The following IL34 variants were observed in gnomAD, a reference collection of about 807,000 sequenced individuals.
IL34 encodes the protein interleukin-34.
Under a neutral mutation model 25.3 loss-of-function variants are expected in IL34, and 17 were observed. That is an observed-to-expected ratio of 0.67 (90% CI 0.46 to 1.01). IL34 has a LOEUF of 1.01. Ranked by LOEUF, IL34 falls within the 50% of genes least tolerant of loss-of-function variation. The pLI is 0.00. For synonymous variants in IL34, 174 were observed against 140.9 expected (o/e 1.23, Z -1.66); for missense variants, 368 against 312.9 (o/e 1.18, Z -1.33).
chr16:70,639,967 A>T (rs943843187), intron 1 of IL34, among the ~76,000 whole-genome samples: 6 of 152,006 alleles, frequency 3.9e-5, no homozygotes, highest in Non-Finnish European at 8.8e-5. Flanking sequence ...CCGAAAAAAA[A>T]AGACAGAGGA....
intron 1 of IL34, among the ~76,000 whole-genome samples, chr16:70,624,126 C>T (rs1055647312): frequency 5.3e-5 from 8 of 151,986 alleles, no homozygotes; most frequent in Non-Finnish European, 1.5e-5. Context: ...GGAGTGGCTG[C>T]CAGGTGAGTT....
At chr16:70,634,040 G>A (rs535638243) in intron 1 of IL34, among the ~76,000 whole-genome samples, 2 of 151,928 alleles carry the variant, frequency 1.3e-5, no homozygotes, top group Non-Finnish European at 2.9e-5. Flanking sequence ...TAGTAGAGAC[G>A]GGGTTTCACC....
intron 1 of IL34, among the ~76,000 whole-genome samples, chr16:70,600,471 G>A (rs2151817066): frequency 6.6e-6 from 1 of 152,318 alleles, no homozygotes; most frequent in African/African-American, 2.4e-5. Flanking sequence ...ACAGAACACA[G>A]CGCTGCACAT....
At chr16:70,644,451 C>A (rs1184371785), upstream of IL34, among the ~76,000 whole-genome samples, 1 of 151,796 alleles carries the variant, frequency 6.6e-6, no homozygotes, top group East Asian at 1.9e-4. Context: ...TAGACAACTT[C>A]CACTATAAAG....
intron 1 of IL34, among the ~76,000 whole-genome samples, chr16:70,620,550 T>C (rs971284893): frequency 6.6e-6 from 1 of 151,558 alleles, no homozygotes; most frequent in African/African-American, 2.4e-5. Flanking sequence ...AAAGGAAGAT[T>C]AGAAAGACTC....
intron 1 of IL34, among the ~76,000 whole-genome samples, chr16:70,629,560 T>C (rs375736483): frequency 6.6e-6 from 1 of 152,280 alleles, no homozygotes; most frequent in East Asian, 1.9e-4. Flanking sequence ...TAAAATTATC[T>C]CTAAATTACT....
intron 1 of IL34, among the ~76,000 whole-genome samples, chr16:70,614,737 A>G (rs2051148217): frequency 1.3e-5 from 2 of 152,242 alleles, no homozygotes; most frequent in Non-Finnish European, 2.9e-5. Context: ...CAATATTCAC[A>G]TAAAGCATTT....
chr16:70,591,609 C>G (rs1277227875), intron 1 of IL34, among the ~76,000 whole-genome samples: 1 of 151,940 alleles, frequency 6.6e-6, no homozygotes, highest in Non-Finnish European at 1.5e-5. Context: ...TCACCGTCCT[C>G]CCACCCTGCC....
chr16:70,615,516 A>G (rs2051160841), intron 1 of IL34, among the ~76,000 whole-genome samples: 1 of 152,058 alleles, frequency 6.6e-6, no homozygotes, highest in Non-Finnish European at 1.5e-5. Flanking sequence ...AAAATAAATA[A>G]ATAAATAAAT....
intron 2 of IL34, among the ~76,000 whole-genome samples, chr16:70,655,966 A>G (rs2052207971): frequency 6.6e-6 from 1 of 152,222 alleles, no homozygotes. Context: ...GCACAACTCA[A>G]AGAGTTTTTA....
At chr16:70,635,632 C>T (rs16970407) in intron 1 of IL34, among the ~76,000 whole-genome samples, 2,497 of 152,254 alleles carry the variant, frequency 0.016, 71 homozygotes, top group African/African-American at 0.057. Flanking sequence ...ACTGGTCCCA[C>T]GCTGGGTTTC....
chr16:70,582,204 A>G (rs1040337041), intron 1 of IL34, among the ~76,000 whole-genome samples: 1 of 152,246 alleles, frequency 6.6e-6, no homozygotes, highest in African/African-American at 2.4e-5. Context: ...TGTCCCAAGG[A>G]TGGCAGGTGG....
intron 1 of IL34, among the ~76,000 whole-genome samples, chr16:70,653,293 G>T (rs146448735): frequency 2.7e-5 from 4 of 148,214 alleles, no homozygotes; most frequent in African/African-American, 7.6e-5. Context: ...TGGAAGGACC[G>T]CTTGACACTA....
At chr16:70,636,585 TCACACACA>T (rs34816911) in intron 1 of IL34, among the ~76,000 whole-genome samples, 1,828 of 136,416 alleles carry the variant, frequency 0.013, 20 homozygotes, top group African/African-American at 0.037. Context: ...GCAAACCCTG[TCACACACA>T]CACACACACA....
chr16:70,633,960 G>T (rs1475053571), intron 1 of IL34, among the ~76,000 whole-genome samples: 1 of 151,672 alleles, frequency 6.6e-6, no homozygotes, highest in Non-Finnish European at 1.5e-5. Flanking sequence ...AAGCGATTCT[G>T]CTGCCTCAGC....
At chr16:70,620,416 G>C (rs1313146886) in intron 1 of IL34, among the ~76,000 whole-genome samples, 2 of 150,868 alleles carry the variant, frequency 1.3e-5, no homozygotes, top group Non-Finnish European at 2.9e-5. Flanking sequence ...CAACGAAACT[G>C]TAAGCCCCAC....
rs952031798 is a variant in IL34 at position 70,633,112 on chromosome 16, A to C, written c.-400-13436A>C. On this transcript the variant is annotated intron_variant, in intron 1 of 6. Transcript: ENST00000429149. ...CCTTAGCAGCTGAGACCACAGGTGC[A>C]TGCCACCATGCCTGGCTAATTTTTG... 3.3e-5 allele frequency among the ~76,000 whole-genome samples: 5 copies of C among 151,858 alleles called. 1 individual carries two copies. The highest frequency in any genetic ancestry group is 1.3e-4 in the Admixed American group (2 of 15,248).
intron 1 of IL34, among the ~76,000 whole-genome samples, chr16:70,600,594 G>A (rs537094185): frequency 9.2e-5 from 14 of 152,284 alleles, no homozygotes; most frequent in Admixed American, 5.9e-4. Flanking sequence ...TCTGAAATTA[G>A]GATCAATGGT....
At chr16:70,633,760 C>G (rs2051573254) in intron 1 of IL34, among the ~76,000 whole-genome samples, 1 of 152,198 alleles carries the variant, frequency 6.6e-6, no homozygotes, top group Admixed American at 6.5e-5. Flanking sequence ...TTTCCTGTCT[C>G]TTCCCAGGTT....
Sources: gnomAD v4.1 joint callset for allele counts (sites outside exome capture counted in the v4.1 genomes callset) on GRCh38, gnomAD v4.1.1 for gene constraint, MANE v1.5 for transcripts, NCBI Gene and HGNC (gene_info 2026-07-23, HGNC 2026-07-21) for gene names.